Variants in RNF213 observed in about 807,000 individuals in gnomAD.
RNF213 encodes the protein ring finger protein 213, also known as E3 ubiquitin-protein ligase RNF213.
Under a neutral mutation model 514.4 loss-of-function variants are expected in RNF213, and 341 were observed. That is an observed-to-expected ratio of 0.66 (90% confidence interval 0.61 to 0.73). The LOEUF is 0.73. Ranked by LOEUF, RNF213 falls within the 30% of genes least tolerant of loss-of-function variation. The pLI, the probability that RNF213 is intolerant of heterozygous loss-of-function variation, is 0.00. For missense variants in RNF213, 5,767 were observed against 6,615.6 expected (o/e 0.87, Z 4.45); for synonymous variants, 2,655 against 2,658.2 (o/e 1.00, Z 0.04).
At chr17:80,287,120 G>A (rs1019540815) in intron 3 of RNF213, among the ~76,000 whole-genome samples, 1 of 152,182 alleles carries the variant, frequency 6.6e-6, no homozygotes, top group African/African-American at 2.4e-5. Context: ...CACACTTTGG[G>A]AGGCCAAGAT....
intron 11 of RNF213, among the ~76,000 whole-genome samples, chr17:80,305,184 C>CTT (rs71163950): frequency 3.1e-5 from 4 of 127,464 alleles, no homozygotes; most frequent in Non-Finnish European, 6.3e-5. Flanking sequence ...CAGCAGTGAA[C>CTT]TTTTTTTTTT....
chr17:80,299,812 G>C (rs2045108020), intron 11 of RNF213, among the ~76,000 whole-genome samples: 2 of 152,140 alleles, frequency 1.3e-5, no homozygotes, highest in African/African-American at 4.8e-5. Context: ...AGAACCTGCG[G>C]TATTTGGTTC....
In RNF213 at chr17:80,295,563, A is replaced by G. The variant is rs1390431807; in HGVS notation, c.1762A>G (p.Arg588Gly). The change falls in exon 10 of 68, where the codon AGA (arginine) becomes GGA (glycine). Residue 588 changes from arginine (R) to glycine (G), a missense_variant. Coordinates refer to ENST00000582970, the MANE Select transcript of RNF213 (RefSeq NM_001256071.3). Reference protein sequence around the residue: ...DLQYREKEVKRYLWQHLKKHV... With the variant: ...DLQYREKEVKGYLWQHLKKHV... ...CCTCTTCTCCCACCATCAGGTGAAG[A>G]GATACCTGTGGCAACATCTGAAAAA... The G allele has an allele frequency of 1.2e-6, 2 of 1,614,174 alleles. No homozygotes were observed. The highest frequency in any genetic ancestry group is 1.3e-5 in the African/African-American group (1 of 75,056).
intron 15 of RNF213, chr17:80,315,681 G>GGTT (rs2045892477): frequency 6.5e-6 from 1 of 153,104 alleles, no homozygotes; most frequent in African/African-American, 2.5e-5. Context: ...AGGTGATGGT[G>GGTT]GTGGTGAAGG....
chr17:80,304,839 C>G (rs1054302542), intron 11 of RNF213, among the ~76,000 whole-genome samples: 1 of 152,144 alleles, frequency 6.6e-6, no homozygotes, highest in Non-Finnish European at 1.5e-5. Context: ...GCTTCCCCAG[C>G]TGAAACTCCA....
chr17:80,307,425 G>A (rs1043769277), intron 13 of RNF213, among the ~76,000 whole-genome samples: 10 of 144,660 alleles, frequency 6.9e-5, no homozygotes, highest in Admixed American at 3.5e-4. Flanking sequence ...GTGCAGTGAC[G>A]CAATCTTAGC....
At chr17:80,351,853 ATTTG>A in intron 32 of RNF213, 50 bp downstream of exon 32, 1 of 1,029,498 alleles carries the variant, frequency 9.7e-7, no homozygotes, top group Non-Finnish European at 1.5e-6. Flanking sequence ...TTATTTATTT[ATTTG>A]TATCTATTTA....
intron 52 of RNF213, 62 bp downstream of exon 52, chr17:80,376,605 A>G: frequency 6.2e-7 from 1 of 1,610,236 alleles, no homozygotes; most frequent in Non-Finnish European, 8.5e-7. Flanking sequence ...TTGTCACTGT[A>G]GAGACCGAGC....
intron 6 of RNF213, 130 bp from the exon 7 acceptor site, chr17:80,290,438 TGC>T: frequency 9.2e-7 from 1 of 1,082,726 alleles, no homozygotes; most frequent in Non-Finnish European, 1.4e-6. Context: ...TGCGCGTGTG[TGC>T]ATGTGTGTGT....
intron 11 of RNF213, among the ~76,000 whole-genome samples, chr17:80,300,425 G>A (rs1342885699): frequency 6.6e-6 from 1 of 152,066 alleles, no homozygotes; most frequent in Non-Finnish European, 1.5e-5. Context: ...TGTCTTTTTA[G>A]TAGAGACAGG....
chr17:80,320,494 G>C (rs2046103746), intron 17 of RNF213: 1 of 152,158 alleles, frequency 6.6e-6, no homozygotes, highest in Admixed American at 6.5e-5. Flanking sequence ...TGGAATTACA[G>C]CTACTTTTTG....
chr17:80,328,271 T>C, intron 19 of RNF213, 57 bp from the exon 20 acceptor site: 2 of 1,499,210 alleles, frequency 1.3e-6, no homozygotes, highest in Non-Finnish European at 1.8e-6. Context: ...AGCATTGCCA[T>C]GGAAAATGGC....
At chr17:80,384,671 G>C (rs1449028096) in intron 59 of RNF213, among the ~76,000 whole-genome samples, 3 of 152,146 alleles carry the variant, frequency 2.0e-5, no homozygotes, top group Non-Finnish European at 2.9e-5. Context: ...GGACACCCAG[G>C]AATAAGGCCA....
At chr17:80,381,476 C>G (rs2079999567) in intron 56 of RNF213, 71 bp from the exon 57 acceptor site, 1 of 1,517,570 alleles carries the variant, frequency 6.6e-7, no homozygotes, top group South Asian at 1.1e-5. Context: ...CTCCCAATGG[C>G]CTCTACCAGG....
chr17:80,370,760 C>T (rs530491302), intron 46 of RNF213, among the ~76,000 whole-genome samples: 2 of 152,150 alleles, frequency 1.3e-5, no homozygotes, highest in African/African-American at 4.8e-5. Context: ...GTTCATGGAC[C>T]GCCACCCGTG....
At chr17:80,380,695 C>T in intron 55 of RNF213, 136 bp from the exon 56 acceptor site, 1 of 1,039,870 alleles carries the variant, frequency 9.6e-7, no homozygotes. Flanking sequence ...GAACATGGTC[C>T]AGGCTTTGTG....
chr17:80,265,208 G>A (rs1034408720), intron 2 of RNF213, among the ~76,000 whole-genome samples: 3 of 151,940 alleles, frequency 2.0e-5, no homozygotes, highest in African/African-American at 4.8e-5. Context: ...CACCACTCCC[G>A]GCTAATTTCT....
intron 3 of RNF213, among the ~76,000 whole-genome samples, chr17:80,285,839 T>A (rs2044453822): frequency 6.6e-6 from 1 of 151,892 alleles, no homozygotes; most frequent in Non-Finnish European, 1.5e-5. Flanking sequence ...CCCAGCTAAT[T>A]TTTTGTGTTT....
intron 39 of RNF213, among the ~76,000 whole-genome samples, chr17:80,362,351 C>A (rs2079087334): frequency 6.6e-6 from 1 of 152,096 alleles, no homozygotes; most frequent in Non-Finnish European, 1.5e-5. Context: ...GGTTAATATT[C>A]TTAGGAATCA....
Sources: gnomAD v4.1 joint callset for allele counts (sites outside exome capture counted in the v4.1 genomes callset) on GRCh38, gnomAD v4.1.1 for gene constraint, MANE v1.5 for transcripts, NCBI Gene and HGNC (gene_info 2026-07-23, HGNC 2026-07-21) for gene names.